The following CDH13 variants were observed in gnomAD, a reference collection of about 807,000 sequenced individuals.
CDH13 encodes the protein cadherin 13.
A neutral mutation model predicts 63.8 loss-of-function variants in CDH13; 24 were observed. That is an observed-to-expected ratio of 0.38 (90% CI 0.27 to 0.53). The LOEUF is 0.53. CDH13 is among the 20% of genes least tolerant of loss of function. CDH13 has a pLI of 0.85. For synonymous variants in CDH13, 503 were observed against 355.3 expected (o/e 1.42, Z -4.67); for missense variants, 1,049 against 903.1 (o/e 1.16, Z -2.07).
chr16:83,757,855 A>C (rs969821174), intron 11 of CDH13, among the ~76,000 whole-genome samples: 2 of 152,006 alleles, frequency 1.3e-5, no homozygotes, highest in Admixed American at 6.6e-5. Flanking sequence ...GAGGCTGGGC[A>C]TGGTAGCTAA....
chr16:83,186,191 G>A (rs2038517719), intron 4 of CDH13, among the ~76,000 whole-genome samples: 1 of 150,192 alleles, frequency 6.7e-6, no homozygotes, highest in Admixed American at 6.8e-5. Flanking sequence ...CTGGAGTGCA[G>A]TGGCGTGATC....
intron 10 of CDH13, among the ~76,000 whole-genome samples, chr16:83,708,151 AC>A (rs1394365528): frequency 6.6e-6 from 1 of 152,152 alleles, no homozygotes; most frequent in Non-Finnish European, 1.5e-5. Flanking sequence ...TAGAGGATCC[AC>A]CCAAAGCCAC....
rs141874513 is a variant in CDH13, at chr16:83,671,154, C to G, written c.1284+182C>G. ...GCACTCGTATCCTCAGCAGCATAAACAAGCAGCCATAAAACAAACCTGTTT... is the reference window on the plus strand; with the variant it reads ...GCACTCGTATCCTCAGCAGCATAAAGAAGCAGCCATAAAACAAACCTGTTT... On this transcript the variant is annotated intron_variant, in intron 9 of 13. Coordinates refer to ENST00000567109, the MANE Select transcript of CDH13 (RefSeq NM_001257.5). Among the ~76,000 whole-genome samples, 147 of 152,318 alleles carry G rather than the reference C, an allele frequency of 9.7e-4. No individual in the cohort carries two copies. In the East Asian group the frequency reaches 0.026, roughly 27 times the overall value.
chr16:83,747,539 T>G (rs573404941), intron 10 of CDH13, among the ~76,000 whole-genome samples: 1 of 152,138 alleles, frequency 6.6e-6, no homozygotes, highest in South Asian at 2.1e-4. Context: ...AGTGTGAAGA[T>G]GGACTAATAC....
At chr16:83,370,261 G>A (rs371342561) in intron 6 of CDH13, among the ~76,000 whole-genome samples, 2 of 151,792 alleles carry the variant, frequency 1.3e-5, no homozygotes, top group African/African-American at 2.4e-5. Context: ...GGTGGCGGGC[G>A]GCTATAGTCG....
intron 7 of CDH13, among the ~76,000 whole-genome samples, chr16:83,489,347 A>C (rs778370188): frequency 7.9e-5 from 12 of 152,218 alleles, no homozygotes; most frequent in Non-Finnish European, 1.6e-4. Flanking sequence ...CCCCCCAAAA[A>C]AGATCAACTC....
intron 1 of CDH13, among the ~76,000 whole-genome samples, chr16:82,634,882 A>G (rs1327231524): frequency 6.6e-6 from 1 of 152,200 alleles, no homozygotes; most frequent in African/African-American, 2.4e-5. Flanking sequence ...ATAAATATCT[A>G]TGATCTCTAT....
chr16:82,939,346 C>T (rs1320785192), intron 2 of CDH13, among the ~76,000 whole-genome samples: 3 of 151,956 alleles, frequency 2.0e-5, no homozygotes, highest in Non-Finnish European at 4.4e-5. Flanking sequence ...ATGCTTGAGC[C>T]AGGGAGACGG....
chr16:83,762,419 G>T (rs1047921967), intron 11 of CDH13, among the ~76,000 whole-genome samples: 4 of 152,096 alleles, frequency 2.6e-5, no homozygotes, highest in Admixed American at 2.6e-4. Flanking sequence ...AAACCCAAGC[G>T]GTAGAGAGAA....
intron 4 of CDH13, among the ~76,000 whole-genome samples, chr16:83,198,361 C>T (rs1475130809): frequency 1.3e-5 from 2 of 151,028 alleles, no homozygotes; most frequent in Non-Finnish European, 3.0e-5. Context: ...ACAATCATGA[C>T]CAGCTCAAGA....
intron 1 of CDH13, among the ~76,000 whole-genome samples, chr16:82,808,318 A>G (rs74029054): frequency 0.011 from 1,749 of 152,284 alleles, 25 homozygotes; most frequent in African/African-American, 0.041. Context: ...ATTTCTGTGA[A>G]GCAAGATCTA....
intron 10 of CDH13, among the ~76,000 whole-genome samples, chr16:83,745,505 G>A (rs552896831): frequency 1.0e-3 from 154 of 152,320 alleles, no homozygotes; most frequent in African/African-American, 3.4e-3. Context: ...AACACTCGGA[G>A]GGGCTCTGGA....
intron 5 of CDH13, among the ~76,000 whole-genome samples, chr16:83,217,713 C>G (rs899390513): frequency 3.9e-5 from 6 of 152,132 alleles, no homozygotes; most frequent in African/African-American, 1.4e-4. Context: ...AGGCCTGCAT[C>G]AGACTTTGGG....
chr16:83,777,821 T>C (rs767471150), intron 11 of CDH13, among the ~76,000 whole-genome samples: 2 of 152,264 alleles, frequency 1.3e-5, no homozygotes, highest in South Asian at 2.1e-4. Flanking sequence ...ATAAATATAG[T>C]ACAAGAGAAA....
At chr16:83,338,806 GAT>G (rs1360704282) in intron 5 of CDH13, among the ~76,000 whole-genome samples, 1 of 152,222 alleles carries the variant, frequency 6.6e-6, no homozygotes, top group African/African-American at 2.4e-5. Flanking sequence ...AGTGTAACTG[GAT>G]AATAAGGAAG....
At chr16:83,502,633 G>A (rs572214073) in intron 7 of CDH13, among the ~76,000 whole-genome samples, 2 of 152,332 alleles carry the variant, frequency 1.3e-5, no homozygotes, top group African/African-American at 4.8e-5. Flanking sequence ...TTTTGACCTT[G>A]AAAGAGACGA....
chr16:82,978,943 C>T (rs989007419), intron 2 of CDH13, among the ~76,000 whole-genome samples: 43 of 152,098 alleles, frequency 2.8e-4, no homozygotes, highest in African/African-American at 8.2e-4. Flanking sequence ...TGAAAGCAGC[C>T]GGGAGGGGGG....
intron 6 of CDH13, among the ~76,000 whole-genome samples, chr16:83,417,714 C>T (rs2071592444): frequency 6.6e-6 from 1 of 152,188 alleles, no homozygotes; most frequent in African/African-American, 2.4e-5. Context: ...ACGAAGCAGA[C>T]AGGCTGTAGA....
chr16:83,771,945 C>G (rs769159322), intron 11 of CDH13, among the ~76,000 whole-genome samples: 3 of 152,164 alleles, frequency 2.0e-5, no homozygotes, highest in Non-Finnish European at 4.4e-5. Context: ...AAACACATGT[C>G]TTTCTAATAA....
Sources: gnomAD v4.1 joint callset for allele counts (sites outside exome capture counted in the v4.1 genomes callset) on GRCh38, gnomAD v4.1.1 for gene constraint, MANE v1.5 for transcripts, NCBI Gene and HGNC (gene_info 2026-07-23, HGNC 2026-07-21) for gene names.